Variants in PCDHGA4 observed in about 807,000 individuals in gnomAD.
PCDHGA4 encodes protocadherin gamma-A4.
Under a neutral mutation model 54.6 loss-of-function variants are expected in PCDHGA4, and 38 were observed. The observed-to-expected ratio is 0.70, with a 90% CI of 0.54 to 0.91. PCDHGA4 has a LOEUF of 0.91. PCDHGA4 is among the 40% of genes least tolerant of loss of function. The pLI is 0.00. For missense variants in PCDHGA4, 1,298 were observed against 1,220.9 expected, an observed-to-expected ratio of 1.06 and a Z score of -0.94; for synonymous variants, 511 against 512.9, an observed-to-expected ratio of 1.00 and a Z score of 0.05.
intron 1 of PCDHGA4, chr5:141,366,049 G>A (rs542025009): frequency 1.9e-6 from 3 of 1,614,244 alleles, no homozygotes; most frequent in Non-Finnish European, 8.5e-7. Flanking sequence ...ACGGTTCCAC[G>A]GGCGTGGAGC....
Position 141,423,752 on chromosome 5 carries a change from G to A in PCDHGA4, c.2514+66131G>A, listed in dbSNP as rs749899386. 4.7e-6 allele frequency: 3 copies of A among 644,956 alleles called. 1 individual carries two copies. The highest frequency in any genetic ancestry group is 1.1e-4 in the South Asian group (2 of 17,914). 40.0% of individuals were successfully genotyped at this position (644,956 alleles called of 1,614,324 possible). ...TTGAGCCTGTTATGAAAACTGTTTGGGGGGGGGGTGGGGCGGCATATATTT... is the reference window on the plus strand; with the variant it reads ...TTGAGCCTGTTATGAAAACTGTTTGAGGGGGGGGTGGGGCGGCATATATTT... On this transcript the variant is annotated intron_variant, in intron 1 of 3. Transcript: ENST00000571252.
At chr5:141,424,784 C>T (rs1351935601) in intron 1 of PCDHGA4, 2 of 152,062 alleles carry the variant, frequency 1.3e-5, no homozygotes, top group Non-Finnish European at 2.9e-5. Context: ...ACATTCAGTT[C>T]TTTTATTCAG....
At chr5:141,452,472 A>C (rs995927368) in intron 1 of PCDHGA4, among the ~76,000 whole-genome samples, 6 of 152,170 alleles carry the variant, frequency 3.9e-5, no homozygotes, top group Non-Finnish European at 8.8e-5. Flanking sequence ...AGCTAGGAAA[A>C]ACACACATAA....
At chr5:141,430,743 T>C in intron 1 of PCDHGA4, 1 of 1,498,372 alleles carries the variant, frequency 6.7e-7, no homozygotes, top group Non-Finnish European at 8.9e-7. Flanking sequence ...TGAAAATAAT[T>C]CTGGAGGAAG....
Position 141,431,804 on chromosome 5 carries a change from C to G in PCDHGA4, c.2515-63003C>G. On this transcript the variant is annotated intron_variant, in intron 1 of 3. Transcript: ENST00000571252. This position sits in a 1 kb window ranked among gnomAD's most constrained non-coding sequence, Gnocchi z 4.8. Reference sequence around the variant, plus strand: ...GAACGACAATGCCCCAGAAGTGGTCCTCACCTCTCTCGCCAGCTCGGTTCC... The same window carrying G: ...GAACGACAATGCCCCAGAAGTGGTCGTCACCTCTCTCGCCAGCTCGGTTCC... 6.2e-7 allele frequency: 1 copy of G among 1,614,232 alleles called. No homozygotes were observed. The highest frequency in any genetic ancestry group is 1.3e-5 in the African/African-American group (1 of 75,056).
chr5:141,400,198 G>A (rs559051247), intron 1 of PCDHGA4: 4 of 1,613,926 alleles, frequency 2.5e-6, no homozygotes, highest in Non-Finnish European at 2.5e-6. Flanking sequence ...CCTAGTGGTG[G>A]CCTTGGCCTT....
Position 141,432,028 on chromosome 5 carries a change from C to T in PCDHGA4, c.2515-62779C>T, listed in dbSNP as rs776543767. ...TTCCTAGCTACAACATCACAGTGAC[C>T]GCCACTGACCGGGGAACCCCGCCCC... On this transcript the variant is annotated intron_variant, in intron 1 of 3. Coordinates refer to ENST00000571252, the MANE Select transcript of PCDHGA4 (RefSeq NM_018917.4). The surrounding 1 kb of genome is among the most constrained non-coding windows in gnomAD (Gnocchi z 6.0). The T allele has an allele frequency of 1.1e-5, 18 of 1,614,050 alleles. No individual in the cohort carries two copies. The highest frequency in any genetic ancestry group is 9.9e-5 in the South Asian group (9 of 91,090).
At chr5:141,420,036 G>A (rs1370492350) in intron 1 of PCDHGA4, 1 of 1,614,078 alleles carries the variant, frequency 6.2e-7, no homozygotes. Flanking sequence ...GCAGGAGACT[G>A]CTTTGAGTCA....
At chr5:141,375,036 G>A (rs1229219386) in intron 1 of PCDHGA4, 6 of 1,614,002 alleles carry the variant, frequency 3.7e-6, no homozygotes, top group Admixed American at 1.7e-5. Context: ...TATGAGCTGG[G>A]TGTTGAAGCC....
chr5:141,418,505 G>A, intron 1 of PCDHGA4: 1 of 1,614,006 alleles, frequency 6.2e-7, no homozygotes, highest in Non-Finnish European at 8.5e-7. Flanking sequence ...GACCGCCTTA[G>A]ATGGTGGGGA....
At chr5:141,410,430 A>G in intron 1 of PCDHGA4, 1 of 1,613,976 alleles carries the variant, frequency 6.2e-7, no homozygotes, top group Middle Eastern at 1.6e-4. Context: ...CCCCCCAACT[A>G]CAGTGAGGGG....
chr5:141,426,848 C>A (rs1379697529), intron 1 of PCDHGA4: 1 of 456,670 alleles, frequency 2.2e-6, no homozygotes, highest in Non-Finnish European at 4.4e-6. Context: ...AAGGCAAGAA[C>A]GCTCCAGAAT....
rs373553221 is a variant in PCDHGA4, at chr5:141,361,821, G to A, written c.2514+4200G>A. The A allele has an allele frequency of 7.4e-6, 12 of 1,613,026 alleles. No individual in the cohort carries two copies. The African/African-American group carries it at 1.6e-4, about 21-fold the overall frequency. On this transcript the variant is annotated intron_variant, in intron 1 of 3. Transcript: ENST00000571252. ...ACCTCAATGACAATGCGCCACGGGT[G>A]CTGTACCCCGCGCTGGGGCCTGATG...
At chr5:141,363,369 A>G (rs1274938037) in intron 1 of PCDHGA4, among the ~76,000 whole-genome samples, 1 of 152,198 alleles carries the variant, frequency 6.6e-6, no homozygotes, top group Non-Finnish European at 1.5e-5. Context: ...TTTTCAATCA[A>G]GAGGTTTTTC....
At chr5:141,484,644 A>G (rs1165542601) in intron 1 of PCDHGA4, among the ~76,000 whole-genome samples, 1 of 151,748 alleles carries the variant, frequency 6.6e-6, no homozygotes, top group African/African-American at 2.4e-5. Flanking sequence ...CCACTCTCCA[A>G]TGGCTACTCT....
chr5:141,428,197 G>A, intron 1 of PCDHGA4: 3 of 1,385,968 alleles, frequency 2.2e-6, no homozygotes, highest in Non-Finnish European at 3.0e-6. Context: ...CGCTCTCTGC[G>A]CCGCTACGCT....
In PCDHGA4 at chr5:141,415,739, GGTTTTT is replaced by G; in HGVS notation, c.2514+58119_2514+58124del. On this transcript the variant is annotated intron_variant, in intron 1 of 3. Coordinates refer to ENST00000571252, the MANE Select transcript of PCDHGA4 (RefSeq NM_018917.4). ...ATGAGTAGAATTTGATGTTTATTAA[GGTTTTT>G]TTTTTTTTTTTTTTTTTTTTTTTTT... is the stretch of plus-strand genomic sequence containing the variant. 1.4e-4 allele frequency: 59 copies of G among 434,890 alleles called. 1 individual carries two copies. The African/African-American group carries it at 1.6e-3, about 12-fold the overall frequency. The allele number at this position is 434,890 out of a possible 1,614,324, so 26.9% of individuals were successfully genotyped here.
intron 1 of PCDHGA4, chr5:141,383,176 G>A: frequency 6.2e-7 from 1 of 1,614,122 alleles, no homozygotes; most frequent in Non-Finnish European, 8.5e-7. Flanking sequence ...GATAGACCGG[G>A]AAGAGATCTG....
In PCDHGA4 at chr5:141,365,535, A is replaced by G. The variant is rs1042184144; in HGVS notation, c.2514+7914A>G. 3.1e-6 allele frequency: 5 copies of G among 1,613,822 alleles called. No individual in the cohort carries two copies. Among genetic ancestry groups the G allele is most frequent in the Non-Finnish European group, 4.2e-6 (5 of 1,179,884 alleles). On this transcript the variant is annotated intron_variant, in intron 1 of 3. Transcript: ENST00000571252. ...TTGGAGAAGTCAGTTGATAATTACTATCACCTATTAACAACTAGGGACCTG... is the reference window on the plus strand; with the variant it reads ...TTGGAGAAGTCAGTTGATAATTACTGTCACCTATTAACAACTAGGGACCTG...
Sources: allele counts gnomAD v4.1 joint callset (sites outside exome capture counted in the v4.1 genomes callset), GRCh38; gene constraint gnomAD v4.1.1; non-coding constraint Gnocchi (gnomAD v3.1); transcripts MANE v1.5; gene names NCBI Gene and HGNC (gene_info 2026-07-23, HGNC 2026-07-21).